Variants in SORCS2 observed in about 807,000 individuals in gnomAD.
The protein encoded by SORCS2 is VPS10 domain-containing receptor SorCS2.
Under a neutral mutation model 141.6 loss-of-function variants are expected in SORCS2, and 100 were observed. The ratio of observed to expected loss-of-function variants is 0.71; its 90% CI spans 0.60 to 0.83. The LOEUF (loss-of-function observed/expected upper bound fraction) is 0.83, where lower values mean the gene tolerates loss of function less well. Ranked by LOEUF, SORCS2 falls within the 40% of genes least tolerant of loss-of-function variation. The pLI, the probability that SORCS2 is intolerant of heterozygous loss-of-function variation, is 0.00. For synonymous variants in SORCS2, 789 were observed against 676.9 expected (o/e 1.17, Z -2.57); for missense variants, 1,646 against 1,560.2 (o/e 1.05, Z -0.93).
intron 1 of SORCS2, among the ~76,000 whole-genome samples, chr4:7,316,891 G>A (rs1019887375): frequency 6.6e-6 from 1 of 152,146 alleles, no homozygotes; most frequent in African/African-American, 2.4e-5. Context: ...AAGCTCCTGA[G>A]TTTTTGAGTG....
At chr4:7,298,257 C>T (rs894429452) in intron 1 of SORCS2, among the ~76,000 whole-genome samples, 16 of 152,264 alleles carry the variant, frequency 1.1e-4, no homozygotes, top group African/African-American at 3.9e-4. Context: ...TTTGTACTCT[C>T]CAGGGCTCTG....
intron 1 of SORCS2, among the ~76,000 whole-genome samples, chr4:7,369,278 T>A (rs1026940376): frequency 6.6e-6 from 1 of 152,176 alleles, no homozygotes; most frequent in East Asian, 1.9e-4. Context: ...ACTGCTGCAC[T>A]CCAGCCTGAG....
At chr4:7,484,365 G>A (rs541154216) in intron 2 of SORCS2, among the ~76,000 whole-genome samples, 1 of 152,302 alleles carries the variant, frequency 6.6e-6, no homozygotes, top group South Asian at 2.1e-4. Flanking sequence ...AGTAACCTGC[G>A]TGGTATCAAG....
Position 7,638,487 on chromosome 4 carries a change from A to G in SORCS2, c.808A>G (p.Ser270Gly). ...EDKVLAYTKE[S>G]KLYVSSDLGK... Reference sequence around the variant, plus strand: ...CAAGGTCCTCGCCTACACAAAGGAGAGCAAGGTAAGATATATGGGTGCCAG... The same window carrying G: ...CAAGGTCCTCGCCTACACAAAGGAGGGCAAGGTAAGATATATGGGTGCCAG... The change falls in exon 4 of 27, where the codon AGC becomes GGC. Residue 270 changes from serine to glycine, a missense_variant. By Grantham distance (56) the Ser-to-Gly change is moderately conservative. Coordinates refer to ENST00000507866, the MANE Select transcript of SORCS2 (RefSeq NM_020777.3). 1 of 1,610,456 alleles carries G rather than the reference A, an allele frequency of 6.2e-7. No homozygotes were observed. Among genetic ancestry groups the G allele is most frequent in the Non-Finnish European group, 8.5e-7 (1 of 1,178,736 alleles).
intron 3 of SORCS2, among the ~76,000 whole-genome samples, chr4:7,605,955 G>A (rs1206106157): frequency 6.6e-6 from 1 of 152,190 alleles, no homozygotes; most frequent in Non-Finnish European, 1.5e-5. Context: ...CTGCACCAGT[G>A]AAGTTACAGA....
In SORCS2 at chr4:7,400,313, C is replaced by T. The variant is rs554240126; in HGVS notation, c.548+3958C>T. Reference sequence around the variant, plus strand: ...GCCTGGAGTGCATGTGGCACCAACCCCAGGTACTGGATCCTGCCCCCCATT... The same window carrying T: ...GCCTGGAGTGCATGTGGCACCAACCTCAGGTACTGGATCCTGCCCCCCATT... On this transcript the variant is annotated intron_variant, in intron 2 of 26. Transcript: ENST00000507866. 3.9e-5 allele frequency among the ~76,000 whole-genome samples: 6 copies of T among 152,282 alleles called. No individual in the cohort carries two copies. The East Asian group carries it at 7.7e-4, about 20-fold the overall frequency.
chr4:7,238,699 C>T (rs74529518), intron 1 of SORCS2, among the ~76,000 whole-genome samples: 6,491 of 152,248 alleles, frequency 0.043, 441 homozygotes, highest in African/African-American at 0.14. Context: ...TGCTGCCCTG[C>T]GTGTGTCTGG....
chr4:7,673,479 G>T (rs1358930911), intron 8 of SORCS2, among the ~76,000 whole-genome samples: 1 of 152,176 alleles, frequency 6.6e-6, no homozygotes, highest in Non-Finnish European at 1.5e-5. Flanking sequence ...CATTAAAAGT[G>T]CTGTGTATAG....
Position 7,473,067 on chromosome 4 carries a change from C to T in SORCS2, c.549-58463C>T, listed in dbSNP as rs114527937. Among the ~76,000 whole-genome samples the T allele has an allele frequency of 4.9e-3, 746 of 151,806 alleles. 10 individuals carry two copies. The highest frequency in any genetic ancestry group is 0.017 in the African/African-American group (716 of 41,310). ...AGAGTTTGCTCAGGATATCGGCCGA[C>T]CTTCCTTGTGGCCATTGATTATTAA... On this transcript the variant is annotated intron_variant, in intron 2 of 26. Transcript: ENST00000507866.
intron 1 of SORCS2, among the ~76,000 whole-genome samples, chr4:7,361,740 T>C (rs912107531): frequency 9.9e-5 from 15 of 151,478 alleles, no homozygotes; most frequent in African/African-American, 3.6e-4. Flanking sequence ...AGGCTTTTAT[T>C]AAACTGACCT....
chr4:7,583,029 T>C (rs544528633), intron 3 of SORCS2, among the ~76,000 whole-genome samples: 9 of 151,146 alleles, frequency 6.0e-5, no homozygotes, highest in East Asian at 1.9e-4. Context: ...ATGAAGAAAA[T>C]TGGGTCAGCA....
intron 4 of SORCS2, among the ~76,000 whole-genome samples, chr4:7,643,807 C>T (rs966941847): frequency 1.1e-4 from 16 of 152,130 alleles, no homozygotes; most frequent in African/African-American, 2.9e-4. Flanking sequence ...GTGCAGCCTT[C>T]GCGTTGGCTG....
intron 1 of SORCS2, among the ~76,000 whole-genome samples, chr4:7,229,500 G>A (rs569443644): frequency 3.3e-5 from 5 of 152,338 alleles, no homozygotes; most frequent in African/African-American, 9.6e-5. Flanking sequence ...GAGAGTCCAC[G>A]CTGGAGAGCA....
rs184655423 is a variant in SORCS2, at chr4:7,326,823, C to T, written c.481-69465C>T. ...CAGTGTCCGGGGCAGGAAGCGCTGCCGGCCGGAGGTGGGACAGGGCAGCTC... is the reference window on the plus strand; with the variant it reads ...CAGTGTCCGGGGCAGGAAGCGCTGCTGGCCGGAGGTGGGACAGGGCAGCTC... On this transcript the variant is annotated intron_variant, in intron 1 of 26. Transcript: ENST00000507866. Among the ~76,000 whole-genome samples the T allele has an allele frequency of 2.6e-3, 402 of 152,368 alleles. 4 individuals carry two copies. Among genetic ancestry groups the T allele is most frequent in the African/African-American group, 9.4e-3 (389 of 41,594 alleles).
At chr4:7,204,055 A>T (rs745682166) in intron 1 of SORCS2, among the ~76,000 whole-genome samples, 1 of 151,960 alleles carries the variant, frequency 6.6e-6, no homozygotes, top group Non-Finnish European at 1.5e-5. Context: ...TCCTTTCTTC[A>T]TGCATCTGTG....
chr4:7,578,731 A>C (rs1000894364), intron 3 of SORCS2, among the ~76,000 whole-genome samples: 6 of 152,226 alleles, frequency 3.9e-5, no homozygotes, highest in African/African-American at 1.4e-4. Context: ...CGGCTTTGAC[A>C]GGTCACATGA....
At position 7,286,651 on chromosome 4, in the gene SORCS2, T is replaced by C. The variant is rs1485889477; in HGVS notation, c.480+93525T>C. Among the ~76,000 whole-genome samples the C allele has an allele frequency of 6.6e-6, 1 of 152,130 alleles. No individual in the cohort carries two copies. The highest frequency in any genetic ancestry group is 1.5e-5 in the Non-Finnish European group (1 of 68,016). On this transcript the variant is annotated intron_variant, in intron 1 of 26. Coordinates refer to ENST00000507866, the MANE Select transcript of SORCS2 (RefSeq NM_020777.3). The surrounding 1 kb of genome is among the most constrained non-coding windows in gnomAD (Gnocchi z 4.1). ...GCCCAGGGAGGGAGGTGCTCATGGT[T>C]GCAAGGGTGAGAGAGAGCTGGGACT...
rs111468721 is a variant in SORCS2, at chr4:7,276,039, G to A, written c.480+82913G>A. On this transcript the variant is annotated intron_variant, in intron 1 of 26. Transcript: ENST00000507866. ...TGGGGAGTTGCTCTGCTCATAATGCGTAACGGGGGCAGTTTCTGCCAGTTA... is the reference window on the plus strand; with the variant it reads ...TGGGGAGTTGCTCTGCTCATAATGCATAACGGGGGCAGTTTCTGCCAGTTA... Among the ~76,000 whole-genome samples, 1,143 of 152,304 alleles carry A rather than the reference G, an allele frequency of 7.5e-3. 23 individuals carry two copies. Among genetic ancestry groups the A allele is most frequent in the African/African-American group, 0.026 (1,076 of 41,574 alleles).
intron 2 of SORCS2, among the ~76,000 whole-genome samples, chr4:7,410,317 G>A (rs925091882): frequency 2.0e-5 from 3 of 152,242 alleles, no homozygotes; most frequent in South Asian, 2.1e-4. Flanking sequence ...CATCCAGAAA[G>A]AGGGGGACTT....
Sources: gnomAD v4.1 joint callset for allele counts (sites outside exome capture counted in the v4.1 genomes callset) on GRCh38, gnomAD v4.1.1 for gene constraint, Gnocchi (gnomAD v3.1) non-coding constraint, MANE v1.5 for transcripts, NCBI Gene and HGNC (gene_info 2026-07-23, HGNC 2026-07-21) for gene names.